POLR3B: variants seen among roughly 807,000 people sequenced by gnomAD.
POLR3B encodes DNA-directed RNA polymerase III subunit RPC2.
In POLR3B, 96 loss-of-function variants were observed where a neutral mutation model predicts 147.4. The ratio of observed to expected loss-of-function variants is 0.65; its 90% CI spans 0.55 to 0.77. The LOEUF (loss-of-function observed/expected upper bound fraction) is 0.77. POLR3B is among the 30% of genes least tolerant of loss of function. The pLI is 0.00. For synonymous variants in POLR3B, 461 were observed against 485.9 expected (o/e 0.95, Z 0.67); for missense variants, 1,036 against 1,413.5 (o/e 0.73, Z 4.28).
At chr12:106,505,342 C>CG (rs1565919122) in intron 27 of POLR3B, among the ~76,000 whole-genome samples, 1 of 152,004 alleles carries the variant, frequency 6.6e-6, no homozygotes, top group African/African-American at 2.4e-5. Context: ...GGCTGCAGTG[C>CG]GGTGGTGTGA....
At chr12:106,430,497 T>C in intron 14 of POLR3B, 24 bp downstream of exon 14, 2 of 1,593,560 alleles carry the variant, frequency 1.3e-6, no homozygotes, top group South Asian at 2.2e-5. Flanking sequence ...GGAGTCTTGA[T>C]GCTGTGTAAG....
rs1338816944 is a variant in POLR3B at position 106,409,371 on chromosome 12, TC to T, written c.967-1454del. 3.3e-4 allele frequency among the ~76,000 whole-genome samples: 49 copies of T among 146,746 alleles called. 3 individuals carry two copies. The highest frequency in any genetic ancestry group is 4.8e-4 in the African/African-American group (19 of 39,294). On this transcript the variant is annotated intron_variant, in intron 11 of 27. Coordinates refer to ENST00000228347, the MANE Select transcript of POLR3B (RefSeq NM_018082.6). ...GTTTTTTTTGTTTTTTTTTTTTTTTTCTTGAGGATGGACAAGAGCCTTTTCT... is the reference window on the plus strand; with the variant it reads ...GTTTTTTTTGTTTTTTTTTTTTTTTTTTGAGGATGGACAAGAGCCTTTTCT...
chr12:106,430,118 C>A (rs2037487881), intron 13 of POLR3B, among the ~76,000 whole-genome samples, 155 bp from the exon 14 acceptor site: 1 of 152,182 alleles, frequency 6.6e-6, no homozygotes, highest in Non-Finnish European at 1.5e-5. Flanking sequence ...ACTAAACTTT[C>A]ATTTTAATTG....
At chr12:106,500,044 C>T (rs2038572721) in intron 25 of POLR3B, 1 of 455,304 alleles carries the variant, frequency 2.2e-6, no homozygotes, top group Non-Finnish European at 4.4e-6. Context: ...GATTTGAACC[C>T]TCACTGCACC....
Position 106,460,986 on chromosome 12 carries a change from G to A in POLR3B, c.2570+1618G>A, listed in dbSNP as rs995467735. 1.7e-3 allele frequency among the ~76,000 whole-genome samples: 253 copies of A among 151,950 alleles called. 1 individual carries two copies. The highest frequency in any genetic ancestry group is 5.2e-3 in the African/African-American group (216 of 41,434). On this transcript the variant is annotated intron_variant, in intron 22 of 27. Transcript: ENST00000228347. ...CTCCATTTCTACTTTGTTACCTTCC[G>A]CTTGCTCCCTAACCCTCGGAACTGG...
At chr12:106,477,355 A>T (rs1457484491) in intron 23 of POLR3B, among the ~76,000 whole-genome samples, 2 of 120,890 alleles carry the variant, frequency 1.7e-5, no homozygotes, top group Non-Finnish European at 3.3e-5. Flanking sequence ...GAGCCTACAG[A>T]GGCAGGCAGG....
intron 10 of POLR3B, among the ~76,000 whole-genome samples, chr12:106,396,410 A>G (rs962922973): frequency 1.3e-5 from 2 of 152,230 alleles, no homozygotes; most frequent in African/African-American, 4.8e-5. Flanking sequence ...TTAATGGGAA[A>G]GATTTAGATT....
intron 27 of POLR3B, among the ~76,000 whole-genome samples, chr12:106,506,748 G>T (rs961153989): frequency 2.6e-5 from 4 of 152,116 alleles, no homozygotes; most frequent in Admixed American, 6.5e-5. Context: ...GTCTGATTTT[G>T]AGTGGCCTAC....
intron 25 of POLR3B, among the ~76,000 whole-genome samples, chr12:106,499,421 T>G (rs1282974128): frequency 2.0e-5 from 3 of 152,218 alleles, no homozygotes; most frequent in Non-Finnish European, 4.4e-5. Context: ...TTCTTTGCCA[T>G]TTATTTCAGT....
chr12:106,483,016 C>T (rs1181013350), intron 23 of POLR3B, among the ~76,000 whole-genome samples: 1 of 152,132 alleles, frequency 6.6e-6, no homozygotes, highest in African/African-American at 2.4e-5. Context: ...TAACTGATCA[C>T]ACAGGCCCAC....
intron 2 of POLR3B, 52 bp from the exon 3 acceptor site, chr12:106,366,464 G>T (rs1392349616): frequency 8.6e-7 from 1 of 1,166,864 alleles, no homozygotes; most frequent in Non-Finnish European, 1.3e-6. Flanking sequence ...CATATCATCA[G>T]TACTCTTTGC....
intron 10 of POLR3B, among the ~76,000 whole-genome samples, chr12:106,398,980 G>A (rs1377073475): frequency 4.6e-5 from 7 of 152,190 alleles, no homozygotes; most frequent in African/African-American, 9.7e-5. Flanking sequence ...AAAGCTGAAC[G>A]GAGAATGACT....
intron 12 of POLR3B, among the ~76,000 whole-genome samples, chr12:106,421,186 T>A (rs2037369137): frequency 6.6e-6 from 1 of 152,090 alleles, no homozygotes; most frequent in Non-Finnish European, 1.5e-5. Context: ...CTTTATTCAT[T>A]CTACTGATCA....
intron 6 of POLR3B, among the ~76,000 whole-genome samples, chr12:106,374,989 A>T (rs974476743): frequency 5.9e-5 from 9 of 152,120 alleles, no homozygotes; most frequent in Non-Finnish European, 1.3e-4. Flanking sequence ...AATTTTTTTT[A>T]GAAATTTATT....
rs766115864 is a variant in POLR3B, at chr12:106,459,346, C to T, written c.2548C>T (p.Gln850Ter). 1 of 1,568,564 alleles carries T rather than the reference C, an allele frequency of 6.4e-7. No homozygotes were observed. Among genetic ancestry groups the T allele is most frequent in the Non-Finnish European group, 8.8e-7 (1 of 1,138,480 alleles). Residue 850 changes from glutamine to a stop codon, truncating the protein, a stop_gained, in exon 22 of 28, where the codon CAG becomes TAG. Transcript: ENST00000228347. LOFTEE classifies it high-confidence loss of function. The stretch of plus-strand genomic sequence containing the variant: ...AGGAAGTAATGTACCACAGCAACCA[C>T]AGTACAAAGATGTACCCATAACGTA... ...LEGSNVPQQPQYKDVPITYKG... is the reference protein window; with the variant it reads ...LEGSNVPQQP
At chr12:106,406,552 A>C (rs1042213545) in intron 11 of POLR3B, among the ~76,000 whole-genome samples, 1 of 152,166 alleles carries the variant, frequency 6.6e-6, no homozygotes, top group African/African-American at 2.4e-5. Flanking sequence ...CATCTTCTAG[A>C]CCTTGAATTT....
chr12:106,369,759 A>G, intron 6 of POLR3B, 76 bp downstream of exon 6: 1 of 945,656 alleles, frequency 1.1e-6, no homozygotes, highest in South Asian at 1.3e-5. Context: ...TCCTCATCTG[A>G]AAAATGCAGG....
At chr12:106,481,100 A>G (rs906580081) in intron 23 of POLR3B, among the ~76,000 whole-genome samples, 5 of 152,206 alleles carry the variant, frequency 3.3e-5, no homozygotes, top group African/African-American at 1.2e-4. Flanking sequence ...AGGAGGCCCC[A>G]TAGCTGGAGC....
At chr12:106,436,318 C>T (rs961403422) in intron 16 of POLR3B, among the ~76,000 whole-genome samples, 5 of 152,156 alleles carry the variant, frequency 3.3e-5, no homozygotes, top group Admixed American at 1.3e-4. Flanking sequence ...CCTTTGTGTC[C>T]GGGTTTCCTC....
Sources: gnomAD v4.1 joint callset for allele counts (sites outside exome capture counted in the v4.1 genomes callset) on GRCh38, gnomAD v4.1.1 for gene constraint, MANE v1.5 for transcripts, NCBI Gene and HGNC (gene_info 2026-07-23, HGNC 2026-07-21) for gene names.